Variants in CYYR1 observed in about 807,000 individuals in gnomAD.
CYYR1 encodes the protein cysteine and tyrosine rich 1.
Under a neutral mutation model 15.2 loss-of-function variants are expected in CYYR1, and 14 were observed. The ratio of observed to expected loss-of-function variants is 0.92; its 90% CI spans 0.61 to 1.44. The LOEUF (loss-of-function observed/expected upper bound fraction) is 1.44. Among genes scored for constraint, CYYR1 ranks in the 40% most tolerant of loss-of-function variants. The probability of loss-of-function intolerance (pLI) is 0.00; values close to 1 mark genes in which losing one functional copy is unlikely to be tolerated. For synonymous variants in CYYR1, 80 were observed against 77.4 expected (o/e 1.03, Z -0.18); for missense variants, 228 against 209.5 (o/e 1.09, Z -0.54).
At chr21:26,570,312 C>T (rs754107482) in intron 1 of CYYR1, among the ~76,000 whole-genome samples, 1 of 152,184 alleles carries the variant, frequency 6.6e-6, no homozygotes, top group Non-Finnish European at 1.5e-5. Flanking sequence ...TCACCCCTGA[C>T]TCCCAACTCA....
intron 1 of CYYR1, chr21:26,568,742 G>T (rs9984431): frequency 6.6e-6 from 1 of 152,000 alleles, no homozygotes; most frequent in African/African-American, 2.4e-5. Context: ...CTATAAGGAG[G>T]TTAAATAATT....
At chr21:26,537,421 C>A (rs376097611) in intron 2 of CYYR1, among the ~76,000 whole-genome samples, 1 of 152,136 alleles carries the variant, frequency 6.6e-6, no homozygotes, top group Admixed American at 6.6e-5. Flanking sequence ...TACTAAAAAG[C>A]TCTCAGTGCT....
intron 2 of CYYR1, among the ~76,000 whole-genome samples, chr21:26,486,204 T>A (rs2065245624): frequency 6.6e-6 from 1 of 152,120 alleles, no homozygotes; most frequent in Non-Finnish European, 1.5e-5. Flanking sequence ...CGAATATTTT[T>A]ACTGGTCTGT....
chr21:26,521,632 T>C (rs368705313), intron 2 of CYYR1, among the ~76,000 whole-genome samples: 23 of 152,338 alleles, frequency 1.5e-4, no homozygotes, highest in South Asian at 6.2e-4. Flanking sequence ...GCTACCTCTA[T>C]TGAACTCTTG....
At chr21:26,492,863 A>G (rs219626) in intron 2 of CYYR1, among the ~76,000 whole-genome samples, 121,544 of 152,092 alleles carry the variant, frequency 0.8, 49,570 homozygotes, top group Non-Finnish European at 0.88. Flanking sequence ...TTAAACGCAA[A>G]TGGGGAAGTG....
In CYYR1 at chr21:26,468,619, T is replaced by C. The variant is rs1249838376; in HGVS notation, c.350A>G (p.Tyr117Cys). The part of the protein sequence containing the change: ...VSSYPAGPPP[Y>C]GHDHEMEYCA... ...GTATTCCATCTCGTGGTCGTGACCG[T>C]AGGGTGGTGGTCCTGCTGAAAAAGA... Residue 117 changes from tyrosine (Y) to cysteine (C), a missense_variant, in exon 4 of 4, where the codon TAC becomes TGC. Coordinates refer to ENST00000652641, the MANE Select transcript of CYYR1 (RefSeq NM_001320768.2). 1 of 1,608,166 alleles carries C rather than the reference T, an allele frequency of 6.2e-7. No individual in the cohort carries two copies.
intron 2 of CYYR1, among the ~76,000 whole-genome samples, chr21:26,535,059 G>A (rs1351717242): frequency 6.6e-6 from 1 of 151,562 alleles, no homozygotes; most frequent in Admixed American, 6.6e-5. Flanking sequence ...CAGTTCATTG[G>A]AAATTCATCT....
At chr21:26,560,086 ATG>A (rs1466909481) in intron 2 of CYYR1, among the ~76,000 whole-genome samples, 3 of 152,118 alleles carry the variant, frequency 2.0e-5, no homozygotes, top group African/African-American at 7.2e-5. Context: ...ACAATTTGAT[ATG>A]TCTCTTAATT....
In CYYR1 at chr21:26,546,873, G is replaced by A. The variant is rs958956981; in HGVS notation, c.176+19393C>T. Among the ~76,000 whole-genome samples, 7 of 152,228 alleles carry A rather than the reference G, an allele frequency of 4.6e-5. No individual in the cohort carries two copies. The East Asian group carries it at 1.4e-3, about 29-fold the overall frequency. ...GAAATAACTTGCCCAGCTCAGGGAG[G>A]AAGTTCATTGTGGCTCGACGCTGCT... On this transcript the variant is annotated intron_variant, in intron 2 of 3. Coordinates refer to ENST00000652641, the MANE Select transcript of CYYR1 (RefSeq NM_001320768.2).
At chr21:26,568,986 A>G (rs999405626) in intron 1 of CYYR1, 1 of 152,236 alleles carries the variant, frequency 6.6e-6, no homozygotes, top group Non-Finnish European at 1.5e-5. Context: ...TGCTATTGGA[A>G]ATGTAAATTA....
chr21:26,490,877 T>G (rs1250252444), intron 2 of CYYR1, among the ~76,000 whole-genome samples: 1 of 152,094 alleles, frequency 6.6e-6, no homozygotes, highest in African/African-American at 2.4e-5. Flanking sequence ...TACTAAGCAC[T>G]AGGCATGTAA....
intron 3 of CYYR1, among the ~76,000 whole-genome samples, chr21:26,469,545 T>C (rs73365105): frequency 0.049 from 7,532 of 152,194 alleles, 599 homozygotes; most frequent in African/African-American, 0.17. Context: ...TACAGAGTGA[T>C]GTTTTGATAT....
chr21:26,512,807 T>C (rs1338128660), intron 2 of CYYR1, among the ~76,000 whole-genome samples: 1 of 152,162 alleles, frequency 6.6e-6, no homozygotes, highest in African/African-American at 2.4e-5. Context: ...ACTATCAGGC[T>C]AGATAAAACA....
intron 1 of CYYR1, among the ~76,000 whole-genome samples, chr21:26,572,022 A>C (rs1362671800): frequency 6.6e-6 from 1 of 152,222 alleles, no homozygotes; most frequent in Admixed American, 6.5e-5. Flanking sequence ...TTTGAGTATC[A>C]AAGGTAAATT....
chr21:26,547,433 G>A (rs1979049668), intron 2 of CYYR1, among the ~76,000 whole-genome samples: 1 of 152,028 alleles, frequency 6.6e-6, no homozygotes, highest in African/African-American at 2.4e-5. Context: ...CTGTTTTGTG[G>A]GCCCAAGAGA....
intron 2 of CYYR1, among the ~76,000 whole-genome samples, chr21:26,502,803 T>A (rs112994970): frequency 0.021 from 3,125 of 152,272 alleles, 114 homozygotes; most frequent in African/African-American, 0.07. Context: ...AGAGATTTTT[T>A]AAAAAATCTC....
intron 2 of CYYR1, among the ~76,000 whole-genome samples, chr21:26,492,941 T>C (rs1228647121): frequency 6.6e-6 from 1 of 151,784 alleles, no homozygotes; most frequent in African/African-American, 2.4e-5. Flanking sequence ...TGAGAGTGTG[T>C]GTGAGTAGAG....
chr21:26,552,114 A>G (rs1465554058), intron 2 of CYYR1: 1 of 152,360 alleles, frequency 6.6e-6, no homozygotes, highest in Admixed American at 6.5e-5. Flanking sequence ...GCAACAAACT[A>G]TTTTAAAATT....
rs577850770 is a variant in CYYR1 at position 26,471,895 on chromosome 21, T to G, written c.335-3261A>C. 2.0e-4 allele frequency among the ~76,000 whole-genome samples: 30 copies of G among 152,274 alleles called. 1 individual carries two copies. Among genetic ancestry groups the G allele is most frequent in the Middle Eastern group, 3.4e-3 (1 of 294 alleles). On this transcript the variant is annotated intron_variant, in intron 3 of 3. Coordinates refer to ENST00000652641, the MANE Select transcript of CYYR1 (RefSeq NM_001320768.2). The stretch of plus-strand genomic sequence containing the variant: ...TTATCCTCAACATCTGATACAGCTG[T>G]CTACAATATTAAAACATTTAGCAAT...
Sources: gnomAD v4.1 joint callset for allele counts (sites outside exome capture counted in the v4.1 genomes callset) on GRCh38, gnomAD v4.1.1 for gene constraint, MANE v1.5 for transcripts, NCBI Gene and HGNC (gene_info 2026-07-23, HGNC 2026-07-21) for gene names.